The following AADAT variants were observed in gnomAD, a reference collection of about 807,000 sequenced individuals.
AADAT encodes aminoadipate aminotransferase.
AADAT carries 25 observed loss-of-function variants against 56.2 expected under a neutral mutation model. That is an observed-to-expected ratio of 0.44 (90% CI 0.32 to 0.62). The LOEUF is 0.62. Ranked by LOEUF, AADAT falls within the 20% of genes least tolerant of loss-of-function variation. The pLI, the probability that AADAT is intolerant of heterozygous loss-of-function variation, is 0.04. For synonymous variants in AADAT, 173 were observed against 164.7 expected, an observed-to-expected ratio of 1.05 and a Z score of -0.39; for missense variants, 387 against 510.5, an observed-to-expected ratio of 0.76 and a Z score of 2.33.
chr4:170,075,840 A>G (rs1581584267), intron 4 of AADAT, among the ~76,000 whole-genome samples: 1 of 152,366 alleles, frequency 6.6e-6, no homozygotes, highest in Admixed American at 6.5e-5. Context: ...TTGGAATAAT[A>G]CAATATTTGT....
chr4:170,064,946 T>A, intron 10 of AADAT, 121 bp from the exon 11 acceptor site: 2 of 696,600 alleles, frequency 2.9e-6, no homozygotes, highest in African/African-American at 1.9e-5. Flanking sequence ...AAAAGTTCCT[T>A]CAATTATAGC....
chr4:170,093,719 C>T (rs754279440), upstream of AADAT, among the ~76,000 whole-genome samples: 1 of 152,104 alleles, frequency 6.6e-6, no homozygotes, highest in African/African-American at 2.4e-5. Flanking sequence ...CCTCAGCTTC[C>T]TGGGTAGCTG....
chr4:170,088,692 TA>T lies in AADAT; in HGVS notation c.68-129del, dbSNP rs1401470231. The T allele has an allele frequency of 9.7e-6, 9 of 927,996 alleles. No homozygotes were observed. The African/African-American group carries it at 1.5e-4, about 15-fold the overall frequency. The allele number at this position is 927,996 out of a possible 1,614,324, so 57.5% of individuals were successfully genotyped here. A position where few individuals can be genotyped will look rare whatever the true frequency, so the allele number is the denominator to read the frequency against. On this transcript the variant is annotated intron_variant, in intron 1 of 12. Transcript: ENST00000337664. ...TCTAGTGATAGAGTGTGCTATGGTC[TA>T]AATGTTGGTGCTCCCCCAGATTCAT...
intron 2 of AADAT, among the ~76,000 whole-genome samples, chr4:170,087,538 C>T (rs76670717): frequency 0.026 from 3,984 of 152,162 alleles, 143 homozygotes; most frequent in African/African-American, 0.077. Flanking sequence ...AAGTCTTTAG[C>T]GCATGCGTTG....
Position 170,066,447 on chromosome 4 carries a change from C to A in AADAT, c.994G>T (p.Ala332Ser). The A allele has an allele frequency of 1.2e-6, 2 of 1,613,792 alleles. No homozygotes were observed. The highest frequency in any genetic ancestry group is 1.7e-6 in the Non-Finnish European group (2 of 1,179,834). ...VIDFYSNQKD[A>S]ILAAADKWLT... Reference sequence around the variant, plus strand: ...CACTTGTCTGCAGCTGCCAGTATTGCATCCTTCTGGTTACTATAGAAATCA... The same window carrying A: ...CACTTGTCTGCAGCTGCCAGTATTGAATCCTTCTGGTTACTATAGAAATCA... Residue 332 changes from alanine to serine, a missense_variant, in exon 10 of 13, where the codon GCA (alanine) becomes TCA (serine). Physicochemically the swap from Ala to Ser is moderately conservative, Grantham distance 99. Transcript: ENST00000337664.
rs776760024 is a variant in AADAT at position 170,089,741 on chromosome 4, A to G, written c.-51T>C. 3.8e-6 allele frequency: 6 copies of G among 1,597,052 alleles called. No homozygotes were observed. Among genetic ancestry groups the G allele is most frequent in the Admixed American group, 3.4e-5 (2 of 59,514 alleles). ...TTCTTCTTCAGTGGTTGAGGACTAG[A>G]AAAACCAAAGAGCCTCGTCAAGTCC... On this transcript the variant is annotated 5_prime_UTR_variant, in exon 1 of 13. Transcript: ENST00000337664.
Position 170,073,364 on chromosome 4 carries a change from A to T in AADAT, c.445-19T>A. 6.2e-7 allele frequency: 1 copy of T among 1,604,046 alleles called. No homozygotes were observed. The highest frequency in any genetic ancestry group is 8.5e-7 in the Non-Finnish European group (1 of 1,175,402). On this transcript the variant is annotated intron_variant, in intron 4 of 12. Transcript: ENST00000337664. Reference sequence around the variant, plus strand: ...GGTGCAGCTGTTGAGCACAAAAGAAAGCCTGAGTCAGTCATGATTACAAAT... The same window carrying T: ...GGTGCAGCTGTTGAGCACAAAAGAATGCCTGAGTCAGTCATGATTACAAAT...
intron 5 of AADAT, among the ~76,000 whole-genome samples, chr4:170,072,051 G>A (rs1731791346): frequency 6.6e-6 from 1 of 152,116 alleles, no homozygotes; most frequent in African/African-American, 2.4e-5. Flanking sequence ...GGATACAGAA[G>A]CATAGGCCTC....
chr4:170,092,846 T>G (rs749876243), upstream of AADAT, among the ~76,000 whole-genome samples: 5 of 152,260 alleles, frequency 3.3e-5, no homozygotes, highest in Non-Finnish European at 7.3e-5. Flanking sequence ...AAGCAAACCT[T>G]AAGGCCTCAG....
At chr4:170,086,890 G>A (rs997812947) in intron 3 of AADAT, among the ~76,000 whole-genome samples, 1 of 152,130 alleles carries the variant, frequency 6.6e-6, no homozygotes, top group Non-Finnish European at 1.5e-5. Flanking sequence ...CCTGGCTTTT[G>A]CTTACAGTCA....
intron 7 of AADAT, 140 bp from the exon 8 acceptor site, chr4:170,068,827 T>A (rs1731612823): frequency 3.4e-6 from 2 of 586,344 alleles, no homozygotes; most frequent in Non-Finnish European, 5.8e-6. Context: ...TAAAACTAAC[T>A]ACTTCTTATT....
At chr4:170,090,181 T>G (rs886292959), upstream of AADAT, 2 of 152,296 alleles carry the variant, frequency 1.3e-5, no homozygotes, top group African/African-American at 4.8e-5. Flanking sequence ...GCGTCCGCGT[T>G]GGCCGGCCTA....
intron 4 of AADAT, among the ~76,000 whole-genome samples, chr4:170,073,718 C>G (rs1389340139): frequency 6.6e-6 from 1 of 152,100 alleles, no homozygotes; most frequent in Non-Finnish European, 1.5e-5. Context: ...CCAGGATGGT[C>G]TGGATCTCCT....
At position 170,060,935 on chromosome 4, in the gene AADAT, G is replaced by T. The variant is rs1731159670; in HGVS notation, c.1271C>A (p.Ser424Tyr). Residue 424 changes from serine to tyrosine, a missense_variant, in exon 13 of 13, where the codon TCT (serine) becomes TAT (tyrosine). By Grantham distance (144) the Ser-to-Tyr change is moderately radical. Transcript: ENST00000337664. ...CAACCTAGTTTAATTTCTTCATAAA[G>T]ATTCTTTTATAAGTTGTGCTAATAC... ...FQVLAQLIKE[S>Y]L 1.3e-6 allele frequency: 2 copies of T among 1,541,290 alleles called. No individual in the cohort carries two copies. Among genetic ancestry groups the T allele is most frequent in the Non-Finnish European group, 8.7e-7 (1 of 1,143,408 alleles).
intron 7 of AADAT, 72 bp downstream of exon 7, chr4:170,069,076 G>A: frequency 7.5e-7 from 1 of 1,331,340 alleles, no homozygotes; most frequent in Non-Finnish European, 1.0e-6. Context: ...AAATTGTCTA[G>A]ACTAAAAGAT....
chr4:170,092,997 G>A (rs1453018657), upstream of AADAT, among the ~76,000 whole-genome samples: 1 of 152,130 alleles, frequency 6.6e-6, no homozygotes, highest in Non-Finnish European at 1.5e-5. Flanking sequence ...AACAAGCACC[G>A]GAAACATCTA....
At chr4:170,080,970 C>A (rs75158186) in intron 3 of AADAT, among the ~76,000 whole-genome samples, 2,122 of 152,240 alleles carry the variant, frequency 0.014, 56 homozygotes, top group African/African-American at 0.048. Context: ...AGTGACTGAT[C>A]CTAACAAGAT....
At chr4:170,080,337 C>T (rs564847913) in intron 3 of AADAT, among the ~76,000 whole-genome samples, 3 of 152,244 alleles carry the variant, frequency 2.0e-5, no homozygotes, top group South Asian at 2.1e-4. Flanking sequence ...CGTGGAAAAA[C>T]TCCCCCTAAT....
chr4:170,066,552 G>A, intron 9 of AADAT, 74 bp from the exon 10 acceptor site: 1 of 1,072,134 alleles, frequency 9.3e-7, no homozygotes, highest in Non-Finnish European at 1.4e-6. Context: ...CCAGAGTCCA[G>A]GCTATAAGAA....
Sources: allele counts gnomAD v4.1 joint callset (sites outside exome capture counted in the v4.1 genomes callset), GRCh38; gene constraint gnomAD v4.1.1; transcripts MANE v1.5; gene names NCBI Gene and HGNC (gene_info 2026-07-23, HGNC 2026-07-21).